Variants in KCNMA1 observed in about 807,000 individuals in gnomAD.
The protein encoded by KCNMA1 is potassium calcium-activated channel subfamily M alpha 1.
In KCNMA1, 29 loss-of-function variants were observed where a neutral mutation model predicts 140.0. That is an observed-to-expected ratio of 0.21 (90% CI 0.15 to 0.28). KCNMA1 has a LOEUF of 0.28. Ranked by LOEUF, KCNMA1 falls within the 10% of genes least tolerant of loss-of-function variation. The pLI, the probability that KCNMA1 is intolerant of heterozygous loss-of-function variation, is 1.00. For missense variants in KCNMA1, 880 were observed against 1,602.2 expected, an observed-to-expected ratio of 0.55 and a Z score of 7.70; for synonymous variants, 612 against 611.9, an observed-to-expected ratio of 1.00 and a Z score of 0.00.
intron 1 of KCNMA1, among the ~76,000 whole-genome samples, chr10:77,530,030 C>T (rs766496021): frequency 4.6e-5 from 7 of 152,234 alleles, no homozygotes; most frequent in Non-Finnish European, 1.0e-4. Context: ...ATGTTCAACA[C>T]CACAGGCATC....
At chr10:77,387,561 C>CTTTTT (rs1362490701) in intron 2 of KCNMA1, among the ~76,000 whole-genome samples, 1 of 127,996 alleles carries the variant, frequency 7.8e-6, no homozygotes, top group African/African-American at 2.9e-5. Context: ...TTTTCTTTTT[C>CTTTTT]TTTTCTTTTC....
chr10:76,975,580 C>T (rs2077237671), intron 19 of KCNMA1, among the ~76,000 whole-genome samples: 1 of 152,204 alleles, frequency 6.6e-6, no homozygotes, highest in Admixed American at 6.5e-5. Flanking sequence ...ATCGACGAGG[C>T]TGAGCTATTA....
chr10:77,573,546 C>G (rs1345051823), intron 1 of KCNMA1, among the ~76,000 whole-genome samples: 1 of 151,772 alleles, frequency 6.6e-6, no homozygotes. Context: ...AGATGGCAGG[C>G]CTCAACCCCC....
intron 5 of KCNMA1, among the ~76,000 whole-genome samples, chr10:77,152,833 G>T (rs1376224026): frequency 6.6e-6 from 1 of 152,200 alleles, no homozygotes; most frequent in Non-Finnish European, 1.5e-5. Flanking sequence ...AGCCTCCCAG[G>T]AATAATAAAA....
At chr10:77,316,932 G>A (rs116700815) in intron 2 of KCNMA1, among the ~76,000 whole-genome samples, 2,411 of 152,228 alleles carry the variant, frequency 0.016, 57 homozygotes, top group African/African-American at 0.055. Context: ...CTAGCCCTGC[G>A]ACCCTGACTT....
At chr10:77,049,426 A>T (rs2095268471) in intron 14 of KCNMA1, among the ~76,000 whole-genome samples, 1 of 152,196 alleles carries the variant, frequency 6.6e-6, no homozygotes, top group Non-Finnish European at 1.5e-5. Context: ...TAAGTGCTCC[A>T]TGTGTGGTGA....
At chr10:77,408,447 CATGTGTGTGT>C (rs2096540735) in intron 1 of KCNMA1, among the ~76,000 whole-genome samples, 1 of 151,284 alleles carries the variant, frequency 6.6e-6, no homozygotes, top group Admixed American at 6.6e-5. Context: ...AGAGTGTGTG[CATGTGTGTGT>C]GCGTTTGTGT....
intron 1 of KCNMA1, among the ~76,000 whole-genome samples, chr10:77,613,302 G>A (rs147431265): frequency 0.013 from 2,031 of 152,258 alleles, 19 homozygotes; most frequent in South Asian, 0.033. Context: ...AACCTCCCAG[G>A]AGCCCCATAA....
intron 1 of KCNMA1, among the ~76,000 whole-genome samples, chr10:77,427,488 A>G (rs949736003): frequency 2.0e-5 from 3 of 152,220 alleles, no homozygotes; most frequent in Non-Finnish European, 4.4e-5. Context: ...CAGCACCCAG[A>G]TACAGATACT....
At chr10:77,275,798 A>G (rs901155404) in intron 2 of KCNMA1, among the ~76,000 whole-genome samples, 5 of 152,236 alleles carry the variant, frequency 3.3e-5, no homozygotes, top group African/African-American at 1.2e-4. Flanking sequence ...CCTGAGAACC[A>G]GGAGAAAAGG....
At chr10:77,173,712 G>A (rs2098728597) in intron 5 of KCNMA1, among the ~76,000 whole-genome samples, 1 of 152,008 alleles carries the variant, frequency 6.6e-6, no homozygotes, top group Non-Finnish European at 1.5e-5. Flanking sequence ...ACAGACTACA[G>A]ACAGCAGTTT....
At chr10:77,278,821 A>G (rs2067474552) in intron 2 of KCNMA1, among the ~76,000 whole-genome samples, 1 of 152,246 alleles carries the variant, frequency 6.6e-6, no homozygotes, top group South Asian at 2.1e-4. Flanking sequence ...TCTTTCAGCT[A>G]CTATTATCCA....
rs569843471 is a variant in KCNMA1 at position 77,218,569 on chromosome 10, C to T, written c.602+32626G>A. 4.6e-5 allele frequency among the ~76,000 whole-genome samples: 7 copies of T among 152,262 alleles called. No homozygotes were observed. In the South Asian group the frequency reaches 1.5e-3, roughly 32 times the overall value. On this transcript the variant is annotated intron_variant, in intron 3 of 27. Coordinates refer to ENST00000286628, the MANE Select transcript of KCNMA1 (RefSeq NM_001161352.2). ...AAGTCTCCTCTGAGCTAAGGGTCACCACCACACGACTCACCCAATCCCATG... is the reference window on the plus strand; with the variant it reads ...AAGTCTCCTCTGAGCTAAGGGTCACTACCACACGACTCACCCAATCCCATG...
chr10:77,166,263 A>G (rs546412874), intron 5 of KCNMA1, among the ~76,000 whole-genome samples: 1 of 152,322 alleles, frequency 6.6e-6, no homozygotes, highest in Admixed American at 6.5e-5. Flanking sequence ...AGCACTTCTG[A>G]CCCAGTTTGT....
intron 25 of KCNMA1, among the ~76,000 whole-genome samples, chr10:76,908,288 T>C (rs1435129818): frequency 6.6e-6 from 1 of 152,138 alleles, no homozygotes; most frequent in African/African-American, 2.4e-5. Context: ...GGTAGAAAGG[T>C]TAGCCTTGGT....
chr10:77,200,832 A>G (rs1370846871), intron 3 of KCNMA1, among the ~76,000 whole-genome samples: 1 of 152,228 alleles, frequency 6.6e-6, no homozygotes, highest in Non-Finnish European at 1.5e-5. Flanking sequence ...AATTGTATAC[A>G]TGTGATCACA....
At chr10:77,562,807 C>T (rs2066821337) in intron 1 of KCNMA1, among the ~76,000 whole-genome samples, 1 of 152,230 alleles carries the variant, frequency 6.6e-6, no homozygotes, top group Admixed American at 6.5e-5. Context: ...AGACACGTCT[C>T]CCCATACCAA....
intron 26 of KCNMA1, chr10:76,889,773 C>A: frequency 1.6e-6 from 1 of 616,790 alleles, no homozygotes; most frequent in Non-Finnish European, 2.9e-6. Flanking sequence ...GATCAGGTAA[C>A]AATGGGGTTT....
rs990096866 is a variant in KCNMA1 at position 77,108,680 on chromosome 10, C to G, written c.1132-108G>C. The G allele has an allele frequency of 9.6e-5, 79 of 820,142 alleles. No individual in the cohort carries two copies. The highest frequency in any genetic ancestry group is 1.6e-4 in the Non-Finnish European group (77 of 477,994). The allele number at this position is 820,142 out of a possible 1,614,324, so 50.8% of individuals were successfully genotyped here. ...GATCTGAAAACACAAAAGGATTAGGCCTGCAAAGGTATATATTGATATGTT... is the reference window on the plus strand; with the variant it reads ...GATCTGAAAACACAAAAGGATTAGGGCTGCAAAGGTATATATTGATATGTT... On this transcript the variant is annotated intron_variant, in intron 8 of 27. Transcript: ENST00000286628. The surrounding 1 kb of genome is among the most constrained non-coding windows in gnomAD (Gnocchi z 4.6).
Sources: allele counts gnomAD v4.1 joint callset (sites outside exome capture counted in the v4.1 genomes callset), GRCh38; gene constraint gnomAD v4.1.1; non-coding constraint Gnocchi (gnomAD v3.1); transcripts MANE v1.5; gene names NCBI Gene and HGNC (gene_info 2026-07-23, HGNC 2026-07-21).